The following CDK14 variants were observed in gnomAD, a reference collection of about 807,000 sequenced individuals.
CDK14 encodes cyclin-dependent kinase 14.
A neutral mutation model predicts 60.7 loss-of-function variants in CDK14; 34 were observed. The observed-to-expected ratio is 0.56, with a 90% CI of 0.43 to 0.75. The LOEUF is 0.75. CDK14 is among the 30% of genes least tolerant of loss of function. The pLI, the probability that CDK14 is intolerant of heterozygous loss-of-function variation, is 0.00. For missense variants in CDK14, 482 were observed against 564.1 expected (o/e 0.85, Z 1.47); for synonymous variants, 197 against 203.7 (o/e 0.97, Z 0.28).
intron 14 of CDK14, among the ~76,000 whole-genome samples, chr7:91,165,067 C>T (rs928076307): frequency 3.3e-5 from 5 of 152,096 alleles, no homozygotes; most frequent in Admixed American, 6.6e-5. Context: ...TTTTTGTGAT[C>T]GCTCTTCAGC....
chr7:90,854,271 TG>T (rs1271515186), intron 5 of CDK14, among the ~76,000 whole-genome samples: 3 of 152,208 alleles, frequency 2.0e-5, no homozygotes. Flanking sequence ...CCCAGCACTT[TG>T]GGAGGCCAAG....
intron 5 of CDK14, among the ~76,000 whole-genome samples, chr7:90,802,608 T>C (rs571495718): frequency 1.3e-4 from 20 of 152,308 alleles, no homozygotes; most frequent in African/African-American, 4.1e-4. Flanking sequence ...TCTAAGTGTA[T>C]GATTTTGAGC....
At chr7:90,924,198 C>T (rs927673629) in intron 8 of CDK14, among the ~76,000 whole-genome samples, 5 of 152,194 alleles carry the variant, frequency 3.3e-5, no homozygotes, top group Non-Finnish European at 5.9e-5. Context: ...AGTCCTGAGG[C>T]GGTGCAGGGC....
In CDK14 at chr7:90,601,922, TTATGTATGTATG is replaced by T. The variant is rs66873680; in HGVS notation, c.92-2254_92-2243del. Among the ~76,000 whole-genome samples the T allele has an allele frequency of 3.2e-3, 457 of 143,384 alleles. 2 individuals are homozygous for T. The highest frequency in any genetic ancestry group is 6.9e-3 in the African/African-American group (264 of 38,164). 94.1% of individuals were successfully genotyped at this position (143,384 alleles called of 152,430 possible). A position where few individuals can be genotyped will look rare whatever the true frequency, so the allele number is the denominator to read the frequency against. On this transcript the variant is annotated intron_variant, in intron 1 of 14. Coordinates refer to ENST00000380050, the MANE Select transcript of CDK14 (RefSeq NM_001287135.2). ...GCACCACCACCACGCTTGGCTAATT[TTATGTATGTATG>T]TATGTATGTATGTATGTATGTATGT...
intron 6 of CDK14, among the ~76,000 whole-genome samples, chr7:90,878,072 C>CTGTGTGTGTGTG (rs142735469): frequency 5.4e-5 from 8 of 147,686 alleles, no homozygotes; most frequent in African/African-American, 7.5e-5. Flanking sequence ...CATTGTGTGG[C>CTGTGTGTGTGTG]TGTGTGTGTG....
intron 2 of CDK14, among the ~76,000 whole-genome samples, chr7:90,654,154 C>T (rs1800705201): frequency 6.6e-6 from 1 of 152,156 alleles, no homozygotes; most frequent in South Asian, 2.1e-4. Flanking sequence ...TTCCTTTCTT[C>T]TTCCCTTTCC....
At chr7:90,813,004 C>G (rs1789197979) in intron 5 of CDK14, among the ~76,000 whole-genome samples, 1 of 152,110 alleles carries the variant, frequency 6.6e-6, no homozygotes, top group Admixed American at 6.5e-5. Context: ...TAGCCAAAAT[C>G]TGGAAACAAG....
intron 1 of CDK14, among the ~76,000 whole-genome samples, chr7:90,602,872 C>G (rs1028113488): frequency 2.0e-5 from 3 of 152,200 alleles, no homozygotes; most frequent in African/African-American, 7.2e-5. Context: ...CTGCATCCCC[C>G]TTAACTCACC....
chr7:90,730,664 G>T lies in CDK14; in HGVS notation c.369+3852G>T, dbSNP rs746219415. Among the ~76,000 whole-genome samples, 24 of 152,192 alleles carry T rather than the reference G, an allele frequency of 1.6e-4. No individual in the cohort carries two copies. The Middle Eastern group carries it at 0.014, about 86-fold the overall frequency. On this transcript the variant is annotated intron_variant, in intron 3 of 14. Transcript: ENST00000380050. ...GCATAAATGTCTTCTTTTGAGAATT[G>T]TCTGTTCATATTCTTTGCCTACTTT...
chr7:90,832,492 GT>G (rs969899389), intron 5 of CDK14, among the ~76,000 whole-genome samples: 3 of 151,188 alleles, frequency 2.0e-5, no homozygotes, highest in Admixed American at 6.6e-5. Flanking sequence ...AGACAATTTA[GT>G]TTTTTTTTAA....
At chr7:91,205,539 G>A (rs1326783281) in intron 14 of CDK14, among the ~76,000 whole-genome samples, 1 of 152,214 alleles carries the variant, frequency 6.6e-6, no homozygotes, top group East Asian at 1.9e-4. Flanking sequence ...GGGACAAGGA[G>A]AGAATGGGAG....
intron 2 of CDK14, among the ~76,000 whole-genome samples, chr7:90,642,654 A>G (rs987733913): frequency 6.6e-6 from 1 of 152,212 alleles, no homozygotes; most frequent in Non-Finnish European, 1.5e-5. Flanking sequence ...TGCTGGGATT[A>G]CAGGCCTGAG....
chr7:91,013,462 A>G (rs774062237), intron 10 of CDK14, among the ~76,000 whole-genome samples: 1 of 152,192 alleles, frequency 6.6e-6, no homozygotes, highest in Non-Finnish European at 1.5e-5. Flanking sequence ...TTTTAAAGAA[A>G]GACATTCTAG....
chr7:90,889,768 G>A (rs887245926), intron 6 of CDK14, among the ~76,000 whole-genome samples: 1 of 152,136 alleles, frequency 6.6e-6, no homozygotes, highest in African/African-American at 2.4e-5. Flanking sequence ...GCATTGTAAT[G>A]TGTCAAATAA....
At chr7:90,830,151 C>G (rs1231242512) in intron 5 of CDK14, among the ~76,000 whole-genome samples, 1 of 152,190 alleles carries the variant, frequency 6.6e-6, no homozygotes, top group Non-Finnish European at 1.5e-5. Flanking sequence ...CTGCATCGCC[C>G]TAGTAGAGGT....
intron 4 of CDK14, among the ~76,000 whole-genome samples, chr7:90,767,042 G>A (rs952560681): frequency 2.6e-5 from 4 of 152,060 alleles, no homozygotes; most frequent in Admixed American, 6.5e-5. Flanking sequence ...GGACAACTCC[G>A]GTACTCTCTT....
intron 14 of CDK14, among the ~76,000 whole-genome samples, chr7:91,183,807 A>C (rs1039578763): frequency 2.0e-5 from 3 of 152,212 alleles, no homozygotes; most frequent in African/African-American, 7.2e-5. Context: ...TTCACACCAG[A>C]TTCTGTCTCC....
intron 12 of CDK14, among the ~76,000 whole-genome samples, chr7:91,096,803 G>C (rs1009020716): frequency 6.6e-6 from 1 of 152,108 alleles, no homozygotes; most frequent in South Asian, 2.1e-4. Flanking sequence ...TCACAAAGTC[G>C]AGTGCATCAC....
chr7:91,125,536 G>GCA (rs369840885), intron 14 of CDK14, among the ~76,000 whole-genome samples: 6 of 151,126 alleles, frequency 4.0e-5, no homozygotes, highest in East Asian at 3.9e-4. Flanking sequence ...ACCAACGCAT[G>GCA]CACACACACA....
Sources: allele counts gnomAD v4.1 joint callset (sites outside exome capture counted in the v4.1 genomes callset), GRCh38; gene constraint gnomAD v4.1.1; transcripts MANE v1.5; gene names NCBI Gene and HGNC (gene_info 2026-07-23, HGNC 2026-07-21).